FHIT: variants seen among roughly 807,000 people sequenced by gnomAD.
The protein encoded by FHIT is fragile histidine triad diadenosine triphosphatase.
In FHIT, 19 loss-of-function variants were observed where a neutral mutation model predicts 17.9. The ratio of observed to expected loss-of-function variants is 1.06; its 90% CI spans 0.74 to 1.56. The LOEUF (loss-of-function observed/expected upper bound fraction) is 1.56. FHIT is among the 40% of genes most tolerant of loss of function. FHIT has a pLI of 0.00. For synonymous variants in FHIT, 81 were observed against 69.7 expected, an observed-to-expected ratio of 1.16 and a Z score of -0.81; for missense variants, 248 against 189.2, an observed-to-expected ratio of 1.31 and a Z score of -1.82.
At chr3:59,949,085 A>G (rs1296400240) in intron 7 of FHIT, among the ~76,000 whole-genome samples, 1 of 152,094 alleles carries the variant, frequency 6.6e-6, no homozygotes, top group Non-Finnish European at 1.5e-5. Context: ...TATTGTTACC[A>G]TCTTTATGTC....
intron 5 of FHIT, among the ~76,000 whole-genome samples, chr3:60,175,854 G>C (rs896739518): frequency 6.6e-6 from 1 of 151,908 alleles, no homozygotes; most frequent in African/African-American, 2.4e-5. Context: ...AACTACCCTA[G>C]TACAACCCAT....
intron 5 of FHIT, among the ~76,000 whole-genome samples, chr3:60,026,116 C>G (rs1475018821): frequency 6.6e-6 from 1 of 152,102 alleles, no homozygotes; most frequent in Non-Finnish European, 1.5e-5. Context: ...TAAAAACAGT[C>G]AAAGAAATAC....
intron 5 of FHIT, among the ~76,000 whole-genome samples, chr3:60,206,041 G>C (rs752999808): frequency 4.9e-4 from 74 of 150,818 alleles, no homozygotes; most frequent in Non-Finnish European, 9.0e-4. Flanking sequence ...GCTGAGGCAG[G>C]AGAATGGCGT....
intron 1 of FHIT, among the ~76,000 whole-genome samples, chr3:61,249,429 G>A (rs1372459166): frequency 6.6e-6 from 1 of 152,192 alleles, no homozygotes; most frequent in Non-Finnish European, 1.5e-5. Flanking sequence ...CAGCTCAAAT[G>A]TTTAGTATCT....
chr3:60,359,203 A>C (rs1043146263), intron 5 of FHIT, among the ~76,000 whole-genome samples: 3 of 151,796 alleles, frequency 2.0e-5, no homozygotes, highest in African/African-American at 7.3e-5. Context: ...GACTGGCTTG[A>C]CTTCATGATA....
At chr3:60,190,711 A>C (rs1274704117) in intron 5 of FHIT, among the ~76,000 whole-genome samples, 1 of 152,134 alleles carries the variant, frequency 6.6e-6, no homozygotes, top group Non-Finnish European at 1.5e-5. Flanking sequence ...ACATGTATAC[A>C]TATGTAACTA....
At chr3:61,213,476 T>C (rs150988647) in intron 1 of FHIT, among the ~76,000 whole-genome samples, 6,000 of 152,112 alleles carry the variant, frequency 0.039, 136 homozygotes, top group Admixed American at 0.068. Flanking sequence ...TATATATGCA[T>C]CCAATACAGG....
intron 8 of FHIT, among the ~76,000 whole-genome samples, chr3:59,794,087 G>C (rs907789598): frequency 6.6e-6 from 1 of 152,082 alleles, no homozygotes; most frequent in African/African-American, 2.4e-5. Context: ...ATGAAAAAAA[G>C]AGCCTTATCC....
chr3:59,903,907 T>C (rs1366600147), intron 8 of FHIT, among the ~76,000 whole-genome samples: 1 of 152,144 alleles, frequency 6.6e-6, no homozygotes, highest in South Asian at 2.1e-4. Context: ...AGCTTTGGAA[T>C]GTCAGGAACT....
At chr3:60,536,785 G>T in intron 5 of FHIT, 75 bp downstream of exon 5, 2 of 1,469,590 alleles carry the variant, frequency 1.4e-6, no homozygotes, top group Non-Finnish European at 1.8e-6. Flanking sequence ...GGCCAATCTT[G>T]TATTTATATT....
intron 5 of FHIT, among the ~76,000 whole-genome samples, chr3:60,445,038 C>T (rs1014566146): frequency 1.3e-5 from 2 of 152,104 alleles, no homozygotes; most frequent in African/African-American, 2.4e-5. Flanking sequence ...ACTATGGCCT[C>T]ACCACAGATG....
chr3:61,103,354 T>C (rs2035891237), intron 2 of FHIT, among the ~76,000 whole-genome samples: 1 of 152,354 alleles, frequency 6.6e-6, no homozygotes, highest in African/African-American at 2.4e-5. Context: ...TTCCATGTGG[T>C]TGTGCGGCTT....
At chr3:61,104,147 GT>G (rs1437238678) in intron 2 of FHIT, among the ~76,000 whole-genome samples, 14 of 152,122 alleles carry the variant, frequency 9.2e-5, no homozygotes, top group Non-Finnish European at 2.1e-4. Flanking sequence ...TGTTTATGTG[GT>G]TGTTTTATAG....
chr3:59,956,753 C>A (rs1707422283), intron 7 of FHIT, among the ~76,000 whole-genome samples: 1 of 152,204 alleles, frequency 6.6e-6, no homozygotes, highest in South Asian at 2.1e-4. Flanking sequence ...GTAGCCACCT[C>A]ACATAGTGGT....
intron 5 of FHIT, among the ~76,000 whole-genome samples, chr3:60,149,335 C>G (rs1300988334): frequency 8.4e-6 from 1 of 118,958 alleles, no homozygotes; most frequent in Non-Finnish European, 1.9e-5. Context: ...ATATACTCTT[C>G]AACATGCTTT....
intron 5 of FHIT, among the ~76,000 whole-genome samples, chr3:60,175,222 G>C (rs900764891): frequency 3.3e-5 from 5 of 152,130 alleles, no homozygotes; most frequent in African/African-American, 1.2e-4. Context: ...AGATAACCAG[G>C]ACACAGTACA....
Position 61,141,512 on chromosome 3 carries a change from G to T in FHIT, c.-164+59105C>A, listed in dbSNP as rs144156007. Among the ~76,000 whole-genome samples the T allele has an allele frequency of 9.6e-4, 146 of 151,776 alleles. 4 individuals are homozygous for T. The highest frequency in any genetic ancestry group is 1.7e-3 in the Non-Finnish European group (116 of 67,852). ...TGTAGCCCAGAGAGATATTTGATCC[G>T]TTCATTTGAAAGTCAATACTAAACA... On this transcript the variant is annotated intron_variant, in intron 2 of 9. Transcript: ENST00000492590.
At chr3:60,458,470 G>A in intron 5 of FHIT, among the ~76,000 whole-genome samples, 1 of 151,464 alleles carries the variant, frequency 6.6e-6, no homozygotes, top group Non-Finnish European at 1.5e-5. Flanking sequence ...GATAGCATTA[G>A]GAGATATACC....
At chr3:59,793,298 T>C (rs1477199803) in intron 8 of FHIT, among the ~76,000 whole-genome samples, 1 of 152,108 alleles carries the variant, frequency 6.6e-6, no homozygotes, top group Non-Finnish European at 1.5e-5. Flanking sequence ...GGCCAAATAA[T>C]GAAGCAGCCT....
Sources: gnomAD v4.1 joint callset for allele counts (sites outside exome capture counted in the v4.1 genomes callset) on GRCh38, gnomAD v4.1.1 for gene constraint, MANE v1.5 for transcripts, NCBI Gene and HGNC (gene_info 2026-07-23, HGNC 2026-07-21) for gene names.